Variants in LRRN3 observed in about 807,000 individuals in gnomAD.
The protein encoded by LRRN3 is leucine-rich repeat neuronal protein 3.
Under a neutral mutation model 40.1 loss-of-function variants are expected in LRRN3, and 15 were observed. The ratio of observed to expected loss-of-function variants is 0.37; its 90% CI spans 0.25 to 0.58. The LOEUF (loss-of-function observed/expected upper bound fraction) is 0.58, where lower values mean the gene tolerates loss of function less well. Ranked by LOEUF, LRRN3 falls within the 20% of genes least tolerant of loss-of-function variation. The pLI, the probability that LRRN3 is intolerant of heterozygous loss-of-function variation, is 0.72. For missense variants in LRRN3, 746 were observed against 837.7 expected, an observed-to-expected ratio of 0.89 and a Z score of 1.35; for synonymous variants, 308 against 297.2, an observed-to-expected ratio of 1.04 and a Z score of -0.37.
chr7:111,123,099 T>C lies in LRRN3; in HGVS notation c.327T>C (p.Asn109=), dbSNP rs759403715. The change falls in exon 3 of 3, where the codon AAT becomes AAC. Residue 109 remains asparagine (N), a synonymous_variant. Coordinates refer to ENST00000308478, the MANE Select transcript of LRRN3 (RefSeq NM_001099658.2). This position sits in a 1 kb window ranked among gnomAD's most constrained non-coding sequence, Gnocchi z 6.4. ...LSQNNLSSVT[N]INVKKMPQLL... ...AAAACAATTTATCTTCAGTCACCAA[T>C]ATTAATGTAAAAAAGATGCCTCAGC... The C allele has an allele frequency of 1.5e-5, 24 of 1,613,718 alleles. No homozygotes were observed. Among genetic ancestry groups the C allele is most frequent in the Non-Finnish European group, 1.7e-5 (20 of 1,179,848 alleles).
intron 2 of LRRN3, 138 bp from the exon 3 acceptor site, chr7:111,122,277 C>T (rs1482976631): frequency 6.6e-6 from 1 of 152,416 alleles, no homozygotes. Context: ...ACCAAACATA[C>T]TGAAGTACTT....
chr7:111,109,341 A>G (rs1798920678), intron 2 of LRRN3, among the ~76,000 whole-genome samples: 1 of 152,118 alleles, frequency 6.6e-6, no homozygotes, highest in South Asian at 2.1e-4. Flanking sequence ...CATCATGCTT[A>G]CGAACTACAA....
chr7:111,120,937 C>CA (rs545042207), intron 2 of LRRN3, among the ~76,000 whole-genome samples: 14,176 of 131,974 alleles, frequency 0.11, 1,535 homozygotes, highest in African/African-American at 0.29. Context: ...CTCTAACAGG[C>CA]AAAAAAAAAA....
intron 2 of LRRN3, among the ~76,000 whole-genome samples, chr7:111,117,366 G>T (rs1800013710): frequency 6.6e-6 from 1 of 152,064 alleles, no homozygotes; most frequent in African/African-American, 2.4e-5. Context: ...TGAGGTACAA[G>T]AAAGTGAGGT....
At position 111,116,630 on chromosome 7, in the gene LRRN3, A is replaced by G. The variant is rs543254683; in HGVS notation, c.-358-5785A>G. Among the ~76,000 whole-genome samples the G allele has an allele frequency of 1.2e-3, 190 of 152,304 alleles. 1 individual carries two copies. The highest frequency in any genetic ancestry group is 0.01 in the Middle Eastern group (3 of 294). ...AAAAATTTAGTGCATATTTTGTGAG[A>G]AACTAAGATTCAGAGAGCGATGTGA... On this transcript the variant is annotated intron_variant, in intron 2 of 2. Transcript: ENST00000308478.
At chr7:111,104,525 G>T (rs1403153902) in intron 2 of LRRN3, among the ~76,000 whole-genome samples, 2 of 151,636 alleles carry the variant, frequency 1.3e-5, no homozygotes, top group Non-Finnish European at 3.0e-5. Context: ...AAAGGCTGAG[G>T]GGACATTATA....
chr7:111,104,440 GT>G (rs1016209019), intron 2 of LRRN3, among the ~76,000 whole-genome samples: 39 of 151,718 alleles, frequency 2.6e-4, no homozygotes, highest in Non-Finnish European at 4.1e-4. Flanking sequence ...AATGCTCCAT[GT>G]TTATATATTT....
chr7:111,106,805 G>C (rs957339313), intron 2 of LRRN3, among the ~76,000 whole-genome samples: 2 of 150,670 alleles, frequency 1.3e-5, no homozygotes, highest in African/African-American at 4.9e-5. Context: ...AAAAAAAATG[G>C]AATCAACACA....
intron 2 of LRRN3, among the ~76,000 whole-genome samples, chr7:111,114,738 CAAAAAAAAAAAAAAAGA>C (rs1799663907): frequency 1.6e-5 from 1 of 62,612 alleles, no homozygotes; most frequent in Non-Finnish European, 3.7e-5. Context: ...GACTCCATCT[CAAAAAAAAAAAAAAAGA>C]AAGAAAGAAA....
Position 111,124,256 on chromosome 7 carries a change from C to T in LRRN3, c.1484C>T (p.Thr495Ile), listed in dbSNP as rs556718361. Residue 495 changes from threonine (T) to isoleucine (I), a missense_variant, in exon 3 of 3, where the codon ACT (threonine) becomes ATT (isoleucine). Transcript: ENST00000308478. ...GVTPKEGGLY[T>I]CIATNLVGAD... is the part of the protein sequence containing the mutation. ...ACTCCCAAAGAAGGGGGTTTATATA[C>T]TTGTATAGCAACTAACCTAGTTGGC... The T allele has an allele frequency of 5.0e-6, 8 of 1,613,956 alleles. No individual in the cohort carries two copies. Among genetic ancestry groups the T allele is most frequent in the Middle Eastern group, 1.7e-4 (1 of 6,058 alleles).
At chr7:111,117,063 A>T (rs1799963604) in intron 2 of LRRN3, among the ~76,000 whole-genome samples, 1 of 152,012 alleles carries the variant, frequency 6.6e-6, no homozygotes, top group African/African-American at 2.4e-5. Flanking sequence ...AAAAAGATAA[A>T]ATAGAAATAA....
rs183063930 is a variant in LRRN3 at position 111,111,555 on chromosome 7, T to C, written c.-358-10860T>C. Among the ~76,000 whole-genome samples, 42 of 152,224 alleles carry C rather than the reference T, an allele frequency of 2.8e-4. No individual in the cohort carries two copies. The East Asian group carries it at 4.3e-3, about 15-fold the overall frequency. On this transcript the variant is annotated intron_variant, in intron 2 of 2. Transcript: ENST00000308478. ...TTTCCCAAATGTTCATAACCTGATA[T>C]AGACTAGTCCTTAAATGGTATAGTA...
chr7:111,114,496 G>T (rs1218308215), intron 2 of LRRN3, among the ~76,000 whole-genome samples: 1 of 152,168 alleles, frequency 6.6e-6, no homozygotes, highest in Non-Finnish European at 1.5e-5. Flanking sequence ...CCAGCACTTT[G>T]TGAGTTCAAG....
At chr7:111,107,403 T>C (rs967285743) in intron 2 of LRRN3, among the ~76,000 whole-genome samples, 1 of 152,056 alleles carries the variant, frequency 6.6e-6, no homozygotes, top group Non-Finnish European at 1.5e-5. Context: ...CAGGGGAATA[T>C]GGGCAGTTTC....
At chr7:111,113,091 T>A (rs1799435772) in intron 2 of LRRN3, among the ~76,000 whole-genome samples, 1 of 152,158 alleles carries the variant, frequency 6.6e-6, no homozygotes, top group African/African-American at 2.4e-5. Flanking sequence ...CTACTCTGAG[T>A]TCCTTCAGAG....
At position 111,102,838 on chromosome 7, in the gene LRRN3, T is replaced by C. The variant is rs1798123339; in HGVS notation, c.-359+2876T>C. ...TAGGGTCATAAAAGACTTCATAATA[T>C]GTATAAAATAATTACAATCTTTGAA... On this transcript the variant is annotated intron_variant, in intron 2 of 2. Coordinates refer to ENST00000308478, the MANE Select transcript of LRRN3 (RefSeq NM_001099658.2). Among the ~76,000 whole-genome samples the C allele has an allele frequency of 1.3e-5, 2 of 151,584 alleles. 1 individual carries two copies. Among genetic ancestry groups the C allele is most frequent in the South Asian group, 4.1e-4 (2 of 4,832 alleles).
rs1801138414 is a variant in LRRN3, at chr7:111,124,973, A to G, written c.*74A>G. On this transcript the variant is annotated 3_prime_UTR_variant, in exon 3 of 3. Transcript: ENST00000308478. ...GAAAGACTGCAGTTGTGCTAAAAAC[A>G]AAACAAAACAAACAAACAAACAAAA... 2 of 1,064,920 alleles carry G rather than the reference A, an allele frequency of 1.9e-6. No homozygotes were observed. Among genetic ancestry groups the G allele is most frequent in the Non-Finnish European group, 2.7e-6 (2 of 745,506 alleles). The allele number at this position is 1,064,920 out of a possible 1,614,324, so 66.0% of individuals were successfully genotyped here. A position where few individuals can be genotyped will look rare whatever the true frequency, so the allele number is the denominator to read the frequency against.
chr7:111,114,762 GA>G (rs555204081), intron 2 of LRRN3, among the ~76,000 whole-genome samples: 1 of 145,752 alleles, frequency 6.9e-6, no homozygotes. Flanking sequence ...AAGAAAGAAA[GA>G]AAAAAAAAGA....
At chr7:111,092,164 A>G (rs1364494049) in intron 1 of LRRN3, among the ~76,000 whole-genome samples, 3 of 152,194 alleles carry the variant, frequency 2.0e-5, no homozygotes, top group African/African-American at 7.2e-5. Flanking sequence ...CTTCCCTTTA[A>G]TAACATCCCC....
Sources: allele counts gnomAD v4.1 joint callset (sites outside exome capture counted in the v4.1 genomes callset), GRCh38; gene constraint gnomAD v4.1.1; non-coding constraint Gnocchi (gnomAD v3.1); transcripts MANE v1.5; gene names NCBI Gene and HGNC (gene_info 2026-07-23, HGNC 2026-07-21).